Variants in FHOD3 observed in about 807,000 individuals in gnomAD.
The protein encoded by FHOD3 is FH1/FH2 domain-containing protein 3.
FHOD3 carries 90 observed loss-of-function variants against 173.0 expected under a neutral mutation model. That is an observed-to-expected ratio of 0.52 (90% CI 0.44 to 0.62). The LOEUF (loss-of-function observed/expected upper bound fraction) is 0.62, where lower values mean the gene tolerates loss of function less well. FHOD3 is among the 20% of genes least tolerant of loss of function. The pLI is 0.00. For missense variants in FHOD3, 1,945 were observed against 2,034.7 expected (o/e 0.96, Z 0.85); for synonymous variants, 828 against 823.0 (o/e 1.01, Z -0.10).
Position 36,738,797 on chromosome 18 carries a change from A to G in FHOD3, c.3577-1859A>G, listed in dbSNP as rs149512138. 2.3e-3 allele frequency among the ~76,000 whole-genome samples: 352 copies of G among 152,328 alleles called. 3 individuals carry two copies. The highest frequency in any genetic ancestry group is 8.1e-3 in the African/African-American group (336 of 41,572). ...CTCTGTCCCATCGATCTAGGTGTCT[A>G]TCCTTGTACCAATGACACATTGTCT... On this transcript the variant is annotated intron_variant, in intron 20 of 28. Coordinates refer to ENST00000590592, the MANE Select transcript of FHOD3 (RefSeq NM_001281740.3).
At chr18:36,646,750 A>G (rs2035711484) in intron 10 of FHOD3, among the ~76,000 whole-genome samples, 1 of 152,348 alleles carries the variant, frequency 6.6e-6, no homozygotes, top group South Asian at 2.1e-4. Context: ...AGAAGGACAC[A>G]GAGACTATCT....
chr18:36,695,287 G>A (rs1219786601), intron 17 of FHOD3, among the ~76,000 whole-genome samples: 3 of 151,750 alleles, frequency 2.0e-5, no homozygotes, highest in Admixed American at 1.3e-4. Flanking sequence ...GGCGGAGGTT[G>A]CAGTGAGCCA....
intron 5 of FHOD3, among the ~76,000 whole-genome samples, chr18:36,541,760 C>T (rs549931122): frequency 6.6e-6 from 1 of 152,090 alleles, no homozygotes; most frequent in African/African-American, 2.4e-5. Flanking sequence ...AAAGTTCAAC[C>T]TTTTAAAAAT....
chr18:36,590,906 A>G (rs1302768915), intron 6 of FHOD3, among the ~76,000 whole-genome samples: 1 of 152,156 alleles, frequency 6.6e-6, no homozygotes, highest in African/African-American at 2.4e-5. Context: ...CCACAGAGAT[A>G]CTCAGAGGGA....
intron 5 of FHOD3, among the ~76,000 whole-genome samples, chr18:36,525,744 C>G (rs1351871078): frequency 6.6e-6 from 1 of 152,186 alleles, no homozygotes; most frequent in East Asian, 1.9e-4. Context: ...CTGAATTCCC[C>G]TTGATCCCCT....
At position 36,298,045 on chromosome 18, in the gene FHOD3, T is replaced by A. The variant is rs754207847; in HGVS notation, c.165+45T>A. Reference sequence around the variant, plus strand: ...GCTGGGCCCCCTGGACTCAGCCCCCTGCCGCGGTGCGCGCCGGGGTGGGTC... The same window carrying A: ...GCTGGGCCCCCTGGACTCAGCCCCCAGCCGCGGTGCGCGCCGGGGTGGGTC... On this transcript the variant is annotated intron_variant, in intron 1 of 28. Transcript: ENST00000590592. 3 of 1,409,424 alleles carry A rather than the reference T, an allele frequency of 2.1e-6. No individual in the cohort carries two copies. The South Asian group carries it at 4.7e-5, about 22-fold the overall frequency. 87.3% of individuals were successfully genotyped at this position (1,409,424 alleles called of 1,614,324 possible). A position where few individuals can be genotyped will look rare whatever the true frequency, so the allele number is the denominator to read the frequency against.
intron 5 of FHOD3, among the ~76,000 whole-genome samples, chr18:36,563,636 A>C (rs1329519541): frequency 6.6e-6 from 1 of 152,202 alleles, no homozygotes; most frequent in Non-Finnish European, 1.5e-5. Flanking sequence ...GAAATGGTGG[A>C]GATTACATGC....
At chr18:36,619,123 T>C (rs2033488220) in intron 9 of FHOD3, among the ~76,000 whole-genome samples, 1 of 152,198 alleles carries the variant, frequency 6.6e-6, no homozygotes, top group African/African-American at 2.4e-5. Context: ...TTCATTCATG[T>C]ACTTGGAGAC....
chr18:36,656,618 A>T (rs761225807), intron 13 of FHOD3, among the ~76,000 whole-genome samples: 29 of 152,222 alleles, frequency 1.9e-4, no homozygotes, highest in African/African-American at 2.9e-4. Context: ...ATTCTTTTTT[A>T]AAAAATAGCC....
intron 5 of FHOD3, among the ~76,000 whole-genome samples, chr18:36,551,008 G>A (rs544393944): frequency 3.2e-3 from 482 of 152,252 alleles, no homozygotes; most frequent in African/African-American, 0.011. Context: ...TAAAAGAAAA[G>A]CATTCAGTGT....
Position 36,576,425 on chromosome 18 carries a change from T to C in FHOD3, c.512-26T>C, listed in dbSNP as rs761584482. The C allele has an allele frequency of 7.8e-6, 12 of 1,532,486 alleles. No individual in the cohort carries two copies. In the Admixed American group the frequency reaches 2.1e-4, roughly 26 times the overall value. 94.9% of individuals were successfully genotyped at this position (1,532,486 alleles called of 1,614,324 possible). The stretch of plus-strand genomic sequence containing the variant: ...TATATTTCTATATACATCTATAATG[T>C]CTCCTTTTTCTCTTGTTTTCTGTAG... On this transcript the variant is annotated intron_variant, in intron 5 of 28. Transcript: ENST00000590592.
At chr18:36,681,960 T>C (rs1417502708) in intron 15 of FHOD3, among the ~76,000 whole-genome samples, 2 of 152,232 alleles carry the variant, frequency 1.3e-5, no homozygotes, top group African/African-American at 2.4e-5. Flanking sequence ...TTTCCCACTT[T>C]CTGGTTTGCT....
chr18:36,440,412 G>A (rs1023863326), intron 3 of FHOD3, among the ~76,000 whole-genome samples: 1 of 152,240 alleles, frequency 6.6e-6, no homozygotes, highest in East Asian at 1.9e-4. Flanking sequence ...TATTTGAGGA[G>A]CTCCTTGAAA....
intron 3 of FHOD3, among the ~76,000 whole-genome samples, chr18:36,467,344 A>G (rs2053003807): frequency 6.6e-6 from 1 of 152,204 alleles, no homozygotes; most frequent in Non-Finnish European, 1.5e-5. Flanking sequence ...CATCTTCAAC[A>G]TTTTAAAGCT....
intron 1 of FHOD3, among the ~76,000 whole-genome samples, chr18:36,337,393 A>G (rs886520110): frequency 2.6e-5 from 4 of 152,188 alleles, no homozygotes; most frequent in African/African-American, 4.8e-5. Flanking sequence ...ATCCTGGAAG[A>G]GGAGTGGACT....
At chr18:36,340,175 C>A (rs1354738303) in intron 1 of FHOD3, among the ~76,000 whole-genome samples, 2 of 152,176 alleles carry the variant, frequency 1.3e-5, no homozygotes, top group Admixed American at 6.5e-5. Context: ...AAGCTTTATG[C>A]AAGAGCTTTG....
intron 3 of FHOD3, among the ~76,000 whole-genome samples, chr18:36,407,875 TGTG>T (rs1365993587): frequency 1.3e-5 from 2 of 152,240 alleles, no homozygotes; most frequent in African/African-American, 4.8e-5. Flanking sequence ...CTTGTAGGGT[TGTG>T]GTGAACTGAG....
chr18:36,299,749 T>C (rs1416648083), intron 1 of FHOD3, among the ~76,000 whole-genome samples: 1 of 152,200 alleles, frequency 6.6e-6, no homozygotes, highest in Non-Finnish European at 1.5e-5. Flanking sequence ...GTGTCCCTTA[T>C]GGAATGAACA....
At chr18:36,433,808 T>A (rs2050677615) in intron 3 of FHOD3, among the ~76,000 whole-genome samples, 1 of 152,182 alleles carries the variant, frequency 6.6e-6, no homozygotes, top group Non-Finnish European at 1.5e-5. Flanking sequence ...TAGAAATAGG[T>A]TAGAAGGTAG....
Sources: gnomAD v4.1 joint callset for allele counts (sites outside exome capture counted in the v4.1 genomes callset) on GRCh38, gnomAD v4.1.1 for gene constraint, MANE v1.5 for transcripts, NCBI Gene and HGNC (gene_info 2026-07-23, HGNC 2026-07-21) for gene names.